TEAD1: variants seen among roughly 807,000 people sequenced by gnomAD.
TEAD1 encodes transcriptional enhancer factor TEF-1.
TEAD1 carries 9 observed loss-of-function variants against 54.9 expected under a neutral mutation model. The ratio of observed to expected loss-of-function variants is 0.16; its 90% CI spans 0.10 to 0.29. TEAD1 has a LOEUF of 0.29. TEAD1 is among the 10% of genes least tolerant of loss of function. TEAD1 has a pLI of 1.00. For missense variants in TEAD1, 387 were observed against 535.9 expected (o/e 0.72, Z 2.74); for synonymous variants, 200 against 187.8 (o/e 1.07, Z -0.53).
chr11:12,864,706 C>T (rs1589938206), intron 4 of TEAD1, 132 bp from the exon 5 acceptor site: 1 of 1,587,264 alleles, frequency 6.3e-7, no homozygotes, highest in Non-Finnish European at 8.6e-7. Flanking sequence ...ATATACAGGT[C>T]TTAGCAAGAA....
At chr11:12,854,582 T>C (rs1947334788) in intron 3 of TEAD1, among the ~76,000 whole-genome samples, 1 of 152,024 alleles carries the variant, frequency 6.6e-6, no homozygotes. Context: ...AAGGCAGAGA[T>C]GGCGTGTTTT....
At chr11:12,891,865 G>A (rs972804695) in intron 9 of TEAD1, among the ~76,000 whole-genome samples, 1 of 152,212 alleles carries the variant, frequency 6.6e-6, no homozygotes, top group Non-Finnish European at 1.5e-5. Context: ...GAGAGTTCCT[G>A]AAGGGTCACC....
intron 3 of TEAD1, among the ~76,000 whole-genome samples, chr11:12,814,338 T>G (rs1946369276): frequency 6.6e-6 from 1 of 152,180 alleles, no homozygotes. Flanking sequence ...ACAACAGAGT[T>G]TGTTCCCTTT....
chr11:12,776,383 A>G (rs1945419198), intron 3 of TEAD1, among the ~76,000 whole-genome samples: 1 of 152,136 alleles, frequency 6.6e-6, no homozygotes, highest in African/African-American at 2.4e-5. Flanking sequence ...TTCAGCTTGT[A>G]CATGAGAGTA....
chr11:12,781,979 A>G (rs1016893673), intron 3 of TEAD1, among the ~76,000 whole-genome samples: 1 of 134,704 alleles, frequency 7.4e-6, no homozygotes, highest in Non-Finnish European at 1.5e-5. Flanking sequence ...AAAGAAAGAA[A>G]AAAAGAAAAA....
chr11:12,805,042 A>G, intron 3 of TEAD1, among the ~76,000 whole-genome samples: 1 of 152,170 alleles, frequency 6.6e-6, no homozygotes, highest in East Asian at 1.9e-4. Flanking sequence ...TATAAAAAAG[A>G]TATTCTTCAC....
chr11:12,725,030 C>T (rs1257021560), intron 2 of TEAD1, among the ~76,000 whole-genome samples: 33 of 152,160 alleles, frequency 2.2e-4, no homozygotes, highest in Admixed American at 2.2e-3. Context: ...GCTTGAGTTC[C>T]CCAGGCCTGG....
chr11:12,696,201 T>TG (rs1327105319), intron 2 of TEAD1, among the ~76,000 whole-genome samples: 2 of 152,272 alleles, frequency 1.3e-5, no homozygotes, highest in African/African-American at 4.8e-5. Flanking sequence ...ATTGTGTGTG[T>TG]TTTTTTGTTT....
chr11:12,864,029 C>G (rs1466192835), intron 4 of TEAD1, among the ~76,000 whole-genome samples: 1 of 147,398 alleles, frequency 6.8e-6, no homozygotes, highest in Non-Finnish European at 1.5e-5. Context: ...GGCGCCCAGT[C>G]AATACCCAAA....
At chr11:12,806,877 G>A (rs191042764) in intron 3 of TEAD1, among the ~76,000 whole-genome samples, 62 of 152,296 alleles carry the variant, frequency 4.1e-4, no homozygotes, top group Admixed American at 4.6e-4. Context: ...ATTGCAGGTT[G>A]TGCTAAACAA....
chr11:12,688,433 G>T (rs1482415417), intron 2 of TEAD1, among the ~76,000 whole-genome samples: 1 of 152,178 alleles, frequency 6.6e-6, no homozygotes, highest in Non-Finnish European at 1.5e-5. Context: ...TAAAAGGTGT[G>T]TGATCACTGA....
chr11:12,749,928 G>A (rs1944831804), intron 2 of TEAD1, among the ~76,000 whole-genome samples: 1 of 152,144 alleles, frequency 6.6e-6, no homozygotes, highest in Non-Finnish European at 1.5e-5. Flanking sequence ...TTGGGATGGG[G>A]TGCGGGTGGG....
intron 5 of TEAD1, 79 bp downstream of exon 5, chr11:12,864,979 G>A (rs1947586565): frequency 1.3e-6 from 2 of 1,498,902 alleles, no homozygotes; most frequent in African/African-American, 2.8e-5. Flanking sequence ...GTGAATGCCT[G>A]GTGCTGGGAT....
intron 3 of TEAD1, among the ~76,000 whole-genome samples, chr11:12,812,371 T>C (rs1003432731): frequency 6.6e-6 from 1 of 152,036 alleles, no homozygotes; most frequent in Admixed American, 6.6e-5. Context: ...ATTATTAGAA[T>C]CCCAAAAAGG....
At chr11:12,918,098 T>A (rs1948746718) in intron 10 of TEAD1, among the ~76,000 whole-genome samples, 1 of 152,184 alleles carries the variant, frequency 6.6e-6, no homozygotes, top group Non-Finnish European at 1.5e-5. Context: ...CCTTCAGAAC[T>A]ACATGAAATA....
intron 3 of TEAD1, among the ~76,000 whole-genome samples, chr11:12,818,162 T>C (rs1946455500): frequency 6.6e-6 from 1 of 152,192 alleles, no homozygotes; most frequent in Non-Finnish European, 1.5e-5. Context: ...TCCCAAACTC[T>C]TGAGAGAATG....
At chr11:12,861,604 G>T (rs1003273506) in intron 3 of TEAD1, among the ~76,000 whole-genome samples, 10 of 152,214 alleles carry the variant, frequency 6.6e-5, no homozygotes, top group African/African-American at 2.2e-4. Flanking sequence ...GGTTTGTTTA[G>T]TCCCAGACTA....
rs1196189821 is a variant in TEAD1, at chr11:12,881,758, C to T, written c.513-138C>T. 2.5e-5 allele frequency: 21 copies of T among 828,874 alleles called. 1 individual carries two copies. In the East Asian group the frequency reaches 5.1e-4, roughly 20 times the overall value. 51.3% of individuals were successfully genotyped at this position (828,874 alleles called of 1,614,324 possible). A position where few individuals can be genotyped will look rare whatever the true frequency, so the allele number is the denominator to read the frequency against. On this transcript the variant is annotated intron_variant, in intron 7 of 12. Transcript: ENST00000527636. ...TCAGTTTATGGAACAACTGCCTCTG[C>T]CTGGGGTGTGCTACCACCTGCAGGC...
intron 2 of TEAD1, among the ~76,000 whole-genome samples, chr11:12,747,494 C>G (rs1311963160): frequency 2.0e-5 from 3 of 152,140 alleles, no homozygotes. Context: ...GCCACCACAC[C>G]CATCTAATTT....
Sources: allele counts gnomAD v4.1 joint callset (sites outside exome capture counted in the v4.1 genomes callset), GRCh38; gene constraint gnomAD v4.1.1; transcripts MANE v1.5; gene names NCBI Gene and HGNC (gene_info 2026-07-23, HGNC 2026-07-21).